The following CXCL13 variants were observed in gnomAD, a reference collection of about 807,000 sequenced individuals.
CXCL13 encodes C-X-C motif chemokine ligand 13.
Under a neutral mutation model 12.2 loss-of-function variants are expected in CXCL13, and 7 were observed. That is an observed-to-expected ratio of 0.57 (90% CI 0.33 to 1.07). The LOEUF is 1.07. Ranked by LOEUF, CXCL13 falls within the 50% of genes least tolerant of loss-of-function variation. The pLI, the probability that CXCL13 is intolerant of heterozygous loss-of-function variation, is 0.04. For synonymous variants in CXCL13, 47 were observed against 42.4 expected (o/e 1.11, Z -0.42); for missense variants, 113 against 127.4 (o/e 0.89, Z 0.55).
intron 1 of CXCL13, among the ~76,000 whole-genome samples, chr4:77,587,246 A>C (rs987780766): frequency 7.9e-5 from 12 of 152,214 alleles, no homozygotes; most frequent in African/African-American, 2.9e-4. Context: ...TGGTTAACTG[A>C]AGATCTCTAG....
intron 1 of CXCL13, among the ~76,000 whole-genome samples, chr4:77,568,457 G>A (rs561770770): frequency 6.6e-6 from 1 of 152,232 alleles, no homozygotes; most frequent in East Asian, 1.9e-4. Context: ...TCTCCTCTCA[G>A]TGCCAAAATG....
chr4:77,589,387 A>G (rs1726554456), intron 1 of CXCL13, among the ~76,000 whole-genome samples: 1 of 152,180 alleles, frequency 6.6e-6, no homozygotes, highest in Non-Finnish European at 1.5e-5. Flanking sequence ...CTGTCTCGGT[A>G]TCACAGTGCT....
intron 1 of CXCL13, among the ~76,000 whole-genome samples, chr4:77,568,234 A>G (rs1488006429): frequency 6.6e-6 from 1 of 152,026 alleles, no homozygotes; most frequent in African/African-American, 2.4e-5. Context: ...TTTATCTTCT[A>G]TTTTGGCTCC....
chr4:77,516,107 CA>C (rs1724410625), intron 1 of CXCL13, among the ~76,000 whole-genome samples: 1 of 152,124 alleles, frequency 6.6e-6, no homozygotes, highest in African/African-American at 2.4e-5. Context: ...TGCTGGATTA[CA>C]TTTATTGATT....
chr4:77,586,314 T>C (rs1242974808), intron 1 of CXCL13, among the ~76,000 whole-genome samples: 1 of 151,980 alleles, frequency 6.6e-6, no homozygotes, highest in Non-Finnish European at 1.5e-5. Flanking sequence ...ATGTAAAAAA[T>C]ATTTTTGAGT....
chr4:77,545,515 A>G (rs1415096735), intron 1 of CXCL13, among the ~76,000 whole-genome samples: 1 of 152,124 alleles, frequency 6.6e-6, no homozygotes, highest in Non-Finnish European at 1.5e-5. Flanking sequence ...AGCAATTGTG[A>G]ATGGGAGTTC....
chr4:77,528,816 C>T (rs1724835513), intron 1 of CXCL13, among the ~76,000 whole-genome samples: 1 of 152,162 alleles, frequency 6.6e-6, no homozygotes, highest in Admixed American at 6.5e-5. Flanking sequence ...GCTTTTGTTG[C>T]CATTGCTTTT....
chr4:77,582,627 C>T (rs928374876), intron 1 of CXCL13, among the ~76,000 whole-genome samples: 21 of 152,112 alleles, frequency 1.4e-4, no homozygotes, highest in African/African-American at 1.7e-4. Flanking sequence ...ATAAATCAGA[C>T]GGGATCTTGC....
At chr4:77,560,626 AGTG>A (rs1361931714) in intron 1 of CXCL13, among the ~76,000 whole-genome samples, 3 of 152,190 alleles carry the variant, frequency 2.0e-5, no homozygotes, top group Non-Finnish European at 4.4e-5. Flanking sequence ...ATAGCCTCCC[AGTG>A]CCTAACAAAG....
rs139752433 is a variant in CXCL13, at chr4:77,534,719, T to C, written c.-43+22931T>C. On this transcript the variant is annotated intron_variant, in intron 1 of 4. Transcript: ENST00000286758. ...ACAGGTGATACACAGCAGAAGTCCATTTAGTGCAGGCCTCAGGTGTGCCAC... is the reference window on the plus strand; with the variant it reads ...ACAGGTGATACACAGCAGAAGTCCACTTAGTGCAGGCCTCAGGTGTGCCAC... 3.5e-3 allele frequency among the ~76,000 whole-genome samples: 540 copies of C among 152,324 alleles called. 5 individuals are homozygous for C. Among genetic ancestry groups the C allele is most frequent in the African/African-American group, 0.012 (504 of 41,572 alleles).
chr4:77,572,836 A>G (rs1190679706), intron 1 of CXCL13, among the ~76,000 whole-genome samples: 1 of 151,946 alleles, frequency 6.6e-6, no homozygotes, highest in Non-Finnish European at 1.5e-5. Flanking sequence ...AATCAACCTA[A>G]ATGCTCATCA....
chr4:77,533,200 A>G (rs1236359998), intron 1 of CXCL13, among the ~76,000 whole-genome samples: 2 of 152,200 alleles, frequency 1.3e-5, no homozygotes, highest in African/African-American at 2.4e-5. Context: ...GGTGAAGTAC[A>G]GATGGGGTTT....
intron 1 of CXCL13, among the ~76,000 whole-genome samples, chr4:77,571,469 G>A (rs1366044037): frequency 2.6e-5 from 4 of 151,752 alleles, no homozygotes; most frequent in African/African-American, 7.3e-5. Context: ...ACACCAATCA[G>A]CACCCTGTGT....
intron 1 of CXCL13, among the ~76,000 whole-genome samples, chr4:77,526,593 A>G (rs550726468): frequency 3.3e-5 from 5 of 152,292 alleles, no homozygotes; most frequent in Non-Finnish European, 5.9e-5. Flanking sequence ...CTGAGCATTT[A>G]TTACATAATT....
At chr4:77,609,277 T>G (rs925688004) in intron 2 of CXCL13, among the ~76,000 whole-genome samples, 16 of 150,764 alleles carry the variant, frequency 1.1e-4, no homozygotes, top group African/African-American at 2.7e-4. Flanking sequence ...TTTTGTGGTT[T>G]GTTTCTGTTT....
At chr4:77,540,988 G>T (rs1178340174) in intron 1 of CXCL13, among the ~76,000 whole-genome samples, 1 of 152,024 alleles carries the variant, frequency 6.6e-6, no homozygotes, top group Non-Finnish European at 1.5e-5. Context: ...GTTTTGATTT[G>T]CATTTCTCTG....
chr4:77,604,828 G>A (rs562358950), upstream of CXCL13, among the ~76,000 whole-genome samples: 1 of 152,296 alleles, frequency 6.6e-6, no homozygotes, highest in South Asian at 2.1e-4. Context: ...GCGCCAGGAA[G>A]CCCAAACCTC....
chr4:77,577,481 G>A (rs1726225518), intron 1 of CXCL13, among the ~76,000 whole-genome samples: 1 of 152,184 alleles, frequency 6.6e-6, no homozygotes, highest in Non-Finnish European at 1.5e-5. Flanking sequence ...CACAGTGCAG[G>A]TGAGTGTGAC....
intron 2 of CXCL13, among the ~76,000 whole-genome samples, chr4:77,609,778 G>A (rs1432947271): frequency 1.3e-5 from 2 of 152,166 alleles, no homozygotes; most frequent in Non-Finnish European, 2.9e-5. Flanking sequence ...AATCACTCAG[G>A]TCATGCTCAT....
Sources: gnomAD v4.1 joint callset for allele counts (sites outside exome capture counted in the v4.1 genomes callset) on GRCh38, gnomAD v4.1.1 for gene constraint, MANE v1.5 for transcripts, NCBI Gene and HGNC (gene_info 2026-07-23, HGNC 2026-07-21) for gene names.